Variants in NPHP4 observed in about 807,000 individuals in gnomAD.
NPHP4 encodes nephrocystin-4.
NPHP4 carries 151 observed loss-of-function variants against 155.8 expected under a neutral mutation model. That is an observed-to-expected ratio of 0.97 (90% CI 0.85 to 1.11). The LOEUF is 1.11. Among genes scored for constraint, NPHP4 ranks in the 50% least tolerant of loss-of-function variants. NPHP4 has a pLI of 0.00. For synonymous variants in NPHP4, 845 were observed against 816.8 expected (o/e 1.03, Z -0.59); for missense variants, 1,956 against 1,925.7 (o/e 1.02, Z -0.29).
rs751367304 is a variant in NPHP4 at position 5,873,286 on chromosome 1, C to A, written c.3281G>T (p.Trp1094Leu). ...NEKGMDAVSP[W>L]KSSAVPTKHA... The stretch of plus-strand genomic sequence containing the variant: ...TTTAGTGGGCACTGCGCTGGACTTC[C>A]AAGGTGACACGGCGTCCATGCCCTT... The change falls in exon 23 of 30, where the codon TGG becomes TTG. Residue 1094 changes from tryptophan to leucine, a missense_variant. By Grantham distance (61) the Trp-to-Leu change is moderately conservative. Coordinates refer to ENST00000378156, the MANE Select transcript of NPHP4 (RefSeq NM_015102.5). The A allele has an allele frequency of 6.2e-7, 1 of 1,613,960 alleles. No homozygotes were observed. Among genetic ancestry groups the A allele is most frequent in the Non-Finnish European group, 8.5e-7 (1 of 1,179,860 alleles).
At chr1:5,912,331 G>A (rs1018407939) in intron 11 of NPHP4, among the ~76,000 whole-genome samples, 2 of 152,280 alleles carry the variant, frequency 1.3e-5, no homozygotes, top group African/African-American at 4.8e-5. Context: ...AAGGTCAGGA[G>A]ATCGAGACCA....
chr1:5,944,152 T>C lies in NPHP4; in HGVS notation c.1119+2952A>G, dbSNP rs1028411584. The stretch of plus-strand genomic sequence containing the variant: ...TGGGAGAGGACATAGAAGAAGCAGA[T>C]TGTCCAGGAAGCTGGCAGCCGGGGA... On this transcript the variant is annotated intron_variant, in intron 9 of 29. Coordinates refer to ENST00000378156, the MANE Select transcript of NPHP4 (RefSeq NM_015102.5). The surrounding 1 kb of genome is among the most constrained non-coding windows in gnomAD (Gnocchi z 4.3). 1.3e-5 allele frequency among the ~76,000 whole-genome samples: 2 copies of C among 152,190 alleles called. No individual in the cohort carries two copies. The highest frequency in any genetic ancestry group is 1.3e-4 in the Admixed American group (2 of 15,284).
intron 3 of NPHP4, among the ~76,000 whole-genome samples, chr1:5,972,448 G>A (rs1287597859): frequency 6.6e-6 from 1 of 152,224 alleles, no homozygotes; most frequent in Non-Finnish European, 1.5e-5. Context: ...GCAGTGCCAA[G>A]GTTGAGAAAC....
intron 10 of NPHP4, among the ~76,000 whole-genome samples, chr1:5,929,895 C>T (rs11120806): frequency 0.21 from 32,134 of 152,032 alleles, 4,029 homozygotes; most frequent in African/African-American, 0.35. Flanking sequence ...ATTTCTTCTT[C>T]ACATGTCTAA....
rs751698507 is a variant in NPHP4 at position 5,867,048 on chromosome 1, G to A, written c.3540C>T (p.Ile1180=). The part of the protein sequence containing the change: ...VHVRCSDPNV[I]CETQNVGPGE... ...AACCTACCACATTCTGGGTCTCACA[G>A]ATGACGTTCGGGTCGCTGCAGCGAA... is the stretch of plus-strand genomic sequence containing the variant. Residue 1180 remains isoleucine (I), a synonymous_variant, in exon 25 of 30, where the codon ATC becomes ATT. Coordinates refer to ENST00000378156, the MANE Select transcript of NPHP4 (RefSeq NM_015102.5). The surrounding 1 kb of genome is among the most constrained non-coding windows in gnomAD (Gnocchi z 4.1). The A allele has an allele frequency of 1.9e-6, 3 of 1,613,040 alleles. No homozygotes were observed. Among genetic ancestry groups the A allele is most frequent in the Non-Finnish European group, 2.5e-6 (3 of 1,179,476 alleles).
At chr1:5,898,119 T>C (rs1182336074) in intron 16 of NPHP4, among the ~76,000 whole-genome samples, 1 of 152,292 alleles carries the variant, frequency 6.6e-6, no homozygotes, top group East Asian at 1.9e-4. Context: ...ATGGACCGCG[T>C]TCTTTGGAAG....
chr1:5,978,736 C>G (rs1201880714), intron 2 of NPHP4, among the ~76,000 whole-genome samples: 2 of 152,186 alleles, frequency 1.3e-5, no homozygotes, highest in Non-Finnish European at 2.9e-5. Context: ...GGGCTCCCAG[C>G]AGCCAACAGG....
intron 6 of NPHP4, among the ~76,000 whole-genome samples, chr1:5,959,542 G>A (rs2102101223): frequency 6.6e-6 from 1 of 152,260 alleles, no homozygotes; most frequent in Non-Finnish European, 1.5e-5. Context: ...GTGACCTGCA[G>A]GTAATTCTGT....
chr1:5,916,410 T>C (rs139539511), intron 11 of NPHP4, among the ~76,000 whole-genome samples: 2,614 of 152,270 alleles, frequency 0.017, 68 homozygotes, highest in Admixed American at 0.077. Flanking sequence ...GTCTCTTACA[T>C]TGGGTTTTGA....
intron 16 of NPHP4, among the ~76,000 whole-genome samples, chr1:5,897,023 G>A (rs1356039249): frequency 1.3e-5 from 2 of 152,110 alleles, no homozygotes; most frequent in African/African-American, 4.8e-5. Context: ...CTATTCCACC[G>A]ACTTCTCACT....
Position 5,866,234 on chromosome 1 carries a change from C to T in NPHP4, c.3644+139G>A, listed in dbSNP as rs903358069. On this transcript the variant is annotated intron_variant, in intron 26 of 29. Coordinates refer to ENST00000378156, the MANE Select transcript of NPHP4 (RefSeq NM_015102.5). ...GGGCCCTGAACTCGCAGCAGAATCCCGCCTCACAAAGCGAAGGCCCGAAAG... is the reference window on the plus strand; with the variant it reads ...GGGCCCTGAACTCGCAGCAGAATCCTGCCTCACAAAGCGAAGGCCCGAAAG... 53 of 712,864 alleles carry T rather than the reference C, an allele frequency of 7.4e-5. No homozygotes were observed. The Middle Eastern group carries it at 2.0e-3, about 27-fold the overall frequency. The allele number at this position is 712,864 out of a possible 1,614,324, so 44.2% of individuals were successfully genotyped here. A position where few individuals can be genotyped will look rare whatever the true frequency, so the allele number is the denominator to read the frequency against.
intron 11 of NPHP4, among the ~76,000 whole-genome samples, chr1:5,924,810 G>A (rs193055284): frequency 1.1e-4 from 16 of 152,114 alleles, no homozygotes; most frequent in African/African-American, 1.4e-4. Flanking sequence ...GCACACCACC[G>A]CGCATAGCTA....
intron 11 of NPHP4, among the ~76,000 whole-genome samples, chr1:5,915,383 G>A (rs767744073): frequency 6.0e-4 from 91 of 152,332 alleles, no homozygotes; most frequent in Admixed American, 2.2e-3. Context: ...TGAAAATAAA[G>A]GATGAGTCAG....
chr1:5,911,044 G>A (rs1645156576), intron 11 of NPHP4, among the ~76,000 whole-genome samples: 1 of 152,248 alleles, frequency 6.6e-6, no homozygotes, highest in Admixed American at 6.5e-5. Flanking sequence ...CAAAGACTCT[G>A]GTCAGAGGAA....
At position 5,863,932 on chromosome 1, in the gene NPHP4, G is replaced by A. The variant is rs371833634; in HGVS notation, c.4098C>T (p.Ser1366=). ...YPSRRTFHLH[S]DHPELLRFRE... ...TGAACCGCAGCAGCTCCGGGTGGTC[G>A]CTGTGCAGGTGGAATGTCCTCCGGG... Residue 1366 remains serine, a synonymous_variant, in exon 29 of 30, where the codon AGC becomes AGT. Transcript: ENST00000378156. 4.3e-6 allele frequency: 7 copies of A among 1,613,734 alleles called. No individual in the cohort carries two copies. Among genetic ancestry groups the A allele is most frequent in the Non-Finnish European group, 5.1e-6 (6 of 1,179,814 alleles).
At chr1:5,915,305 G>A (rs536136360) in intron 11 of NPHP4, among the ~76,000 whole-genome samples, 22 of 152,282 alleles carry the variant, frequency 1.4e-4, no homozygotes, top group East Asian at 5.8e-4. Flanking sequence ...AAGGACCATC[G>A]CTAGTAAAGA....
chr1:5,915,092 G>T (rs1055329255), intron 11 of NPHP4, among the ~76,000 whole-genome samples: 1 of 152,242 alleles, frequency 6.6e-6, no homozygotes, highest in African/African-American at 2.4e-5. Context: ...TACCTATGGG[G>T]TCAGCAATTC....
At chr1:5,948,318 G>C (rs1570586980) in intron 7 of NPHP4, 67 bp from the exon 8 acceptor site, 5 of 1,242,678 alleles carry the variant, frequency 4.0e-6, no homozygotes, top group Non-Finnish European at 5.5e-6. Flanking sequence ...AGAAGTCCCT[G>C]GGGGAGGCGA....
intron 9 of NPHP4, among the ~76,000 whole-genome samples, chr1:5,940,629 C>CA (rs1646770821): frequency 6.6e-6 from 1 of 151,876 alleles, no homozygotes; most frequent in African/African-American, 2.4e-5. Context: ...TGACTGTCTA[C>CA]AAAAACAAAA....
Sources: gnomAD v4.1 joint callset for allele counts (sites outside exome capture counted in the v4.1 genomes callset) on GRCh38, gnomAD v4.1.1 for gene constraint, Gnocchi (gnomAD v3.1) non-coding constraint, MANE v1.5 for transcripts, NCBI Gene and HGNC (gene_info 2026-07-23, HGNC 2026-07-21) for gene names.